SMAP1: variants seen among roughly 807,000 people sequenced by gnomAD.
SMAP1 encodes the protein stromal membrane-associated protein 1.
SMAP1 carries 24 observed loss-of-function variants against 58.5 expected under a neutral mutation model. The ratio of observed to expected loss-of-function variants is 0.41; its 90% CI spans 0.30 to 0.58. The LOEUF is 0.58. Among genes scored for constraint, SMAP1 ranks in the 20% least tolerant of loss-of-function variants. The probability of loss-of-function intolerance (pLI) is 0.29; values close to 1 mark genes in which losing one functional copy is unlikely to be tolerated. For missense variants in SMAP1, 563 were observed against 566.3 expected (o/e 0.99, Z 0.06); for synonymous variants, 216 against 196.6 (o/e 1.10, Z -0.82).
At chr6:70,707,167 T>C (rs1767873067) in intron 1 of SMAP1, among the ~76,000 whole-genome samples, 1 of 152,160 alleles carries the variant, frequency 6.6e-6, no homozygotes, top group African/African-American at 2.4e-5. Flanking sequence ...TTCATGAGAT[T>C]TTGTCATATT....
intron 1 of SMAP1, among the ~76,000 whole-genome samples, chr6:70,669,160 T>C (rs1766161410): frequency 6.6e-6 from 1 of 152,218 alleles, no homozygotes; most frequent in Non-Finnish European, 1.5e-5. Flanking sequence ...AGATCGTGTA[T>C]ATTTTTAATT....
intron 1 of SMAP1, among the ~76,000 whole-genome samples, chr6:70,722,584 CAG>C (rs1171341355): frequency 1.3e-5 from 2 of 152,318 alleles, no homozygotes; most frequent in East Asian, 1.9e-4. Context: ...AGTGGGAAAT[CAG>C]GGGACTCACA....
intron 4 of SMAP1, among the ~76,000 whole-genome samples, chr6:70,787,071 A>G (rs1224322246): frequency 1.3e-5 from 2 of 152,210 alleles, no homozygotes; most frequent in Admixed American, 1.3e-4. Context: ...TACAGTAACC[A>G]AAACAGCATG....
chr6:70,716,216 A>G (rs1322864205), intron 1 of SMAP1, among the ~76,000 whole-genome samples: 1 of 152,104 alleles, frequency 6.6e-6, no homozygotes, highest in Non-Finnish European at 1.5e-5. Flanking sequence ...TATTATTATT[A>G]TATACTCACC....
At chr6:70,693,416 G>A (rs1046791530) in intron 1 of SMAP1, among the ~76,000 whole-genome samples, 3 of 149,382 alleles carry the variant, frequency 2.0e-5, no homozygotes, top group South Asian at 2.1e-4. Context: ...CGATTCTCCT[G>A]CCTCTGCCTC....
intron 2 of SMAP1, among the ~76,000 whole-genome samples, chr6:70,742,816 G>A (rs1443323211): frequency 6.6e-6 from 1 of 152,198 alleles, no homozygotes; most frequent in Non-Finnish European, 1.5e-5. Flanking sequence ...AATCATGGCA[G>A]AAGGTGAAAG....
At chr6:70,849,424 T>C (rs1771104341) in intron 7 of SMAP1, among the ~76,000 whole-genome samples, 1 of 113,778 alleles carries the variant, frequency 8.8e-6, no homozygotes, top group African/African-American at 3.1e-5. Flanking sequence ...AATATAGTAA[T>C]AATAATAAAA....
At chr6:70,710,110 G>A (rs1767992388) in intron 1 of SMAP1, among the ~76,000 whole-genome samples, 1 of 152,016 alleles carries the variant, frequency 6.6e-6, no homozygotes, top group Non-Finnish European at 1.5e-5. Context: ...GCCTGTTACT[G>A]TACTGAATAC....
At chr6:70,842,804 C>G (rs531827666) in intron 7 of SMAP1, among the ~76,000 whole-genome samples, 60 of 152,274 alleles carry the variant, frequency 3.9e-4, no homozygotes, top group African/African-American at 1.4e-3. Context: ...TGGCTTTACT[C>G]TGGAGGCTTG....
At chr6:70,827,391 T>C (rs754787712) in intron 6 of SMAP1, among the ~76,000 whole-genome samples, 1 of 152,062 alleles carries the variant, frequency 6.6e-6, no homozygotes, top group Non-Finnish European at 1.5e-5. Context: ...CAAAAGAAAA[T>C]GTCATTGAAT....
In SMAP1 at chr6:70,757,955, A is replaced by G. The variant is rs1035408000; in HGVS notation, c.338+2890A>G. 2.0e-3 allele frequency among the ~76,000 whole-genome samples: 303 copies of G among 152,156 alleles called. 3 individuals carry two copies. Among genetic ancestry groups the G allele is most frequent in the Non-Finnish European group, 3.0e-3 (207 of 67,978 alleles). On this transcript the variant is annotated intron_variant, in intron 3 of 10. Coordinates refer to ENST00000370455, the MANE Select transcript of SMAP1 (RefSeq NM_001044305.3). The stretch of plus-strand genomic sequence containing the variant: ...AACTAGTTCAACCATTGTGGAAGTC[A>G]GTGTGGCGATTCCTCAGGGATCTAG...
rs73483923 is a variant in SMAP1 at position 70,734,682 on chromosome 6, C to T, written c.252+2171C>T. On this transcript the variant is annotated intron_variant, in intron 2 of 10. Transcript: ENST00000370455. ...ACGTGCTGGGTAGAAGTTACACAGT[C>T]GTGCTGTCAGTATAGTGACTTGCCC... 3.7e-3 allele frequency: 567 copies of T among 152,606 alleles called. 4 individuals carry two copies. Among genetic ancestry groups the T allele is most frequent in the African/African-American group, 0.013 (530 of 41,566 alleles). The allele number at this position is 152,606 out of a possible 1,614,324, so 9.5% of individuals were successfully genotyped here. A position where few individuals can be genotyped will look rare whatever the true frequency, so the allele number is the denominator to read the frequency against.
chr6:70,705,130 G>C (rs1401623483), intron 1 of SMAP1, among the ~76,000 whole-genome samples: 1 of 152,094 alleles, frequency 6.6e-6, no homozygotes, highest in Non-Finnish European at 1.5e-5. Context: ...GAACAATTAA[G>C]CTTCTGAGTC....
At chr6:70,700,560 A>T (rs1767587568) in intron 1 of SMAP1, among the ~76,000 whole-genome samples, 1 of 152,184 alleles carries the variant, frequency 6.6e-6, no homozygotes, top group African/African-American at 2.4e-5. Flanking sequence ...GGCCTCCCAA[A>T]TTGCTGGGAT....
rs914688411 is a variant in SMAP1 at position 70,861,971 on chromosome 6, A to G, written c.*1637A>G. 6.3e-7 allele frequency: 1 copy of G among 1,585,858 alleles called. No homozygotes were observed. On this transcript the variant is annotated 3_prime_UTR_variant, in exon 11 of 11. Transcript: ENST00000370455. Reference sequence around the variant, plus strand: ...TGGACAAAATGACTTGAAGACTTACAGCAAATCCTTTGTGAAAAATAAAAA... The same window carrying G: ...TGGACAAAATGACTTGAAGACTTACGGCAAATCCTTTGTGAAAAATAAAAA...
At chr6:70,829,687 T>A (rs1043320931) in intron 6 of SMAP1, among the ~76,000 whole-genome samples, 3 of 152,212 alleles carry the variant, frequency 2.0e-5, no homozygotes, top group African/African-American at 7.2e-5. Flanking sequence ...GTTCTAAGAT[T>A]CTAGGAATAT....
chr6:70,741,808 A>G (rs559191798), intron 2 of SMAP1, among the ~76,000 whole-genome samples: 3 of 152,244 alleles, frequency 2.0e-5, no homozygotes, highest in South Asian at 4.1e-4. Context: ...GTATTTCCAT[A>G]TATCCTCTGA....
At chr6:70,753,068 A>C (rs959042358) in intron 2 of SMAP1, among the ~76,000 whole-genome samples, 1 of 152,020 alleles carries the variant, frequency 6.6e-6, no homozygotes, top group Non-Finnish European at 1.5e-5. Context: ...TTCCCCCCCG[A>C]GATATTAATG....
chr6:70,787,384 C>T (rs1431708198), intron 4 of SMAP1, among the ~76,000 whole-genome samples: 5 of 152,152 alleles, frequency 3.3e-5, no homozygotes, highest in Admixed American at 6.5e-5. Context: ...AGGACATAGG[C>T]ATGGGCAAGG....
Sources: gnomAD v4.1 joint callset for allele counts (sites outside exome capture counted in the v4.1 genomes callset) on GRCh38, gnomAD v4.1.1 for gene constraint, MANE v1.5 for transcripts, NCBI Gene and HGNC (gene_info 2026-07-23, HGNC 2026-07-21) for gene names.